KCNB2: variants seen among roughly 807,000 people sequenced by gnomAD.
KCNB2 encodes the protein potassium voltage-gated channel subfamily B member 2.
In KCNB2, 15 loss-of-function variants were observed where a neutral mutation model predicts 61.5. The ratio of observed to expected loss-of-function variants is 0.24; its 90% CI spans 0.16 to 0.38. The LOEUF (loss-of-function observed/expected upper bound fraction) is 0.38. KCNB2 is among the 10% of genes least tolerant of loss of function. KCNB2 has a pLI of 1.00. For synonymous variants in KCNB2, 457 were observed against 446.0 expected (o/e 1.02, Z -0.31); for missense variants, 828 against 1,125.2 (o/e 0.74, Z 3.78).
chr8:72,778,782 GAAAAGA>G (rs1808707394), intron 2 of KCNB2, among the ~76,000 whole-genome samples: 1 of 67,516 alleles, frequency 1.5e-5, no homozygotes, highest in East Asian at 3.8e-4. Context: ...GAAAGAAAAA[GAAAAGA>G]AAAGAAAAAG....
In KCNB2 at chr8:72,622,660, G is replaced by A. The variant is rs146846020; in HGVS notation, c.579+54347G>A. Among the ~76,000 whole-genome samples, 1,420 of 152,298 alleles carry A rather than the reference G, an allele frequency of 9.3e-3. 10 individuals carry two copies. Among genetic ancestry groups the A allele is most frequent in the Non-Finnish European group, 0.015 (1,017 of 68,020 alleles). On this transcript the variant is annotated intron_variant, in intron 2 of 2. Transcript: ENST00000523207. ...ACTCTACTGTGCACCTTCTTTGAAA[G>A]TTAGTCTAGGGTTTATGCCATAGGA...
At chr8:72,671,644 T>C (rs941044247) in intron 2 of KCNB2, among the ~76,000 whole-genome samples, 3 of 152,224 alleles carry the variant, frequency 2.0e-5, no homozygotes, top group African/African-American at 7.2e-5. Context: ...CTAGTTTCTC[T>C]TTCAATGTGA....
intron 2 of KCNB2, among the ~76,000 whole-genome samples, chr8:72,763,743 C>T (rs1381882117): frequency 6.6e-6 from 1 of 152,124 alleles, no homozygotes; most frequent in African/African-American, 2.4e-5. Context: ...TACTGCTTGG[C>T]ACAGTTTAGG....
At chr8:72,766,870 G>T (rs1286876573) in intron 2 of KCNB2, among the ~76,000 whole-genome samples, 1 of 152,106 alleles carries the variant, frequency 6.6e-6, no homozygotes, top group Non-Finnish European at 1.5e-5. Flanking sequence ...CCCAAGACTG[G>T]GAAGAAAAAG....
At chr8:72,545,100 C>A (rs978214400) in intron 1 of KCNB2, among the ~76,000 whole-genome samples, 1 of 152,136 alleles carries the variant, frequency 6.6e-6, no homozygotes, top group Non-Finnish European at 1.5e-5. Context: ...AGGAAAACCT[C>A]AACTCCAGAA....
intron 2 of KCNB2, among the ~76,000 whole-genome samples, chr8:72,761,340 T>C (rs2128996465): frequency 6.6e-6 from 1 of 152,282 alleles, no homozygotes; most frequent in South Asian, 2.1e-4. Context: ...CTTCTAGTCC[T>C]TCCATGTGAG....
At chr8:72,623,511 A>G (rs1330890423) in intron 2 of KCNB2, among the ~76,000 whole-genome samples, 1 of 152,188 alleles carries the variant, frequency 6.6e-6, no homozygotes, top group Non-Finnish European at 1.5e-5. Flanking sequence ...TTGGAACCCA[A>G]ACCATCTGGA....
chr8:72,559,994 T>C (rs1806488946), intron 1 of KCNB2, among the ~76,000 whole-genome samples: 1 of 152,164 alleles, frequency 6.6e-6, no homozygotes, highest in Non-Finnish European at 1.5e-5. Context: ...CATTCTGTGA[T>C]TTTAGTCTCA....
chr8:72,727,559 G>C (rs1305386896), intron 2 of KCNB2, among the ~76,000 whole-genome samples: 1 of 152,174 alleles, frequency 6.6e-6, no homozygotes, highest in Non-Finnish European at 1.5e-5. Flanking sequence ...CCTCAGCATA[G>C]ATAAAGTCTT....
intron 2 of KCNB2, among the ~76,000 whole-genome samples, chr8:72,793,189 G>T (rs1159909866): frequency 6.6e-6 from 1 of 152,130 alleles, no homozygotes; most frequent in East Asian, 1.9e-4. Flanking sequence ...TCTAAGTACT[G>T]GGGTTGGTTT....
chr8:72,767,640 T>C (rs775154353), intron 2 of KCNB2, among the ~76,000 whole-genome samples: 2 of 152,254 alleles, frequency 1.3e-5, no homozygotes, highest in African/African-American at 2.4e-5. Context: ...TGATGGGCAT[T>C]TGGATTGTTT....
intron 2 of KCNB2, among the ~76,000 whole-genome samples, chr8:72,769,334 A>G (rs1231943546): frequency 6.6e-6 from 1 of 152,108 alleles, no homozygotes; most frequent in African/African-American, 2.4e-5. Context: ...GACACTGATC[A>G]AGTAGTTCCT....
chr8:72,768,418 G>T (rs1170287836), intron 2 of KCNB2, among the ~76,000 whole-genome samples: 2 of 151,990 alleles, frequency 1.3e-5, no homozygotes, highest in African/African-American at 4.8e-5. Context: ...CAAGTGATCT[G>T]CCCACCTCTG....
intron 2 of KCNB2, among the ~76,000 whole-genome samples, chr8:72,625,704 T>C (rs1805779066): frequency 6.6e-6 from 1 of 152,202 alleles, no homozygotes; most frequent in Non-Finnish European, 1.5e-5. Context: ...GTGCTGGGAT[T>C]GCGGGCATGA....
chr8:72,561,377 G>A (rs111942607), intron 1 of KCNB2, among the ~76,000 whole-genome samples: 5,061 of 151,398 alleles, frequency 0.033, 124 homozygotes, highest in South Asian at 0.09. Context: ...GGATGGTCTC[G>A]ATCTCTTGAC....
chr8:72,725,545 G>A (rs200101969), intron 2 of KCNB2, among the ~76,000 whole-genome samples: 3,831 of 62,920 alleles, frequency 0.061, 123 homozygotes, highest in South Asian at 0.11. Flanking sequence ...ATATATGTGT[G>A]TATATATATA....
intron 1 of KCNB2, among the ~76,000 whole-genome samples, chr8:72,549,752 T>G (rs1049882517): frequency 8.5e-5 from 13 of 152,184 alleles, no homozygotes; most frequent in African/African-American, 3.1e-4. Flanking sequence ...TCTCTTTGGC[T>G]CCTCTCAGAC....
intron 2 of KCNB2, among the ~76,000 whole-genome samples, chr8:72,628,462 G>T (rs56360260): frequency 0.029 from 4,280 of 149,920 alleles, 99 homozygotes; most frequent in Middle Eastern, 0.085. Flanking sequence ...ACTTAAAGGG[G>T]TAGCTGATAA....
chr8:72,915,066 C>A (rs2981120), intron 2 of KCNB2, among the ~76,000 whole-genome samples: 2 of 151,676 alleles, frequency 1.3e-5, no homozygotes, highest in African/African-American at 2.4e-5. Context: ...CACCATGCCC[C>A]GCTAATTTTT....
Sources: gnomAD v4.1 joint callset for allele counts (sites outside exome capture counted in the v4.1 genomes callset) on GRCh38, gnomAD v4.1.1 for gene constraint, MANE v1.5 for transcripts, NCBI Gene and HGNC (gene_info 2026-07-23, HGNC 2026-07-21) for gene names.